Variants in NR3C2 observed in about 807,000 individuals in gnomAD.
NR3C2 encodes nuclear receptor subfamily 3 group C member 2.
Under a neutral mutation model 86.4 loss-of-function variants are expected in NR3C2, and 15 were observed. That is an observed-to-expected ratio of 0.17 (90% CI 0.12 to 0.27). NR3C2 has a LOEUF of 0.27. Among genes scored for constraint, NR3C2 ranks in the 10% least tolerant of loss-of-function variants. The pLI, the probability that NR3C2 is intolerant of heterozygous loss-of-function variation, is 1.00. For synonymous variants in NR3C2, 458 were observed against 450.5 expected (o/e 1.02, Z -0.21); for missense variants, 960 against 1,195.6 (o/e 0.80, Z 2.91).
At chr4:148,316,952 C>A (rs994471552) in intron 2 of NR3C2, among the ~76,000 whole-genome samples, 1 of 152,056 alleles carries the variant, frequency 6.6e-6, no homozygotes, top group South Asian at 2.1e-4. Context: ...CAGGCGCACA[C>A]CACCATTTCC....
intron 2 of NR3C2, among the ~76,000 whole-genome samples, chr4:148,376,003 T>C (rs930512165): frequency 1.3e-5 from 2 of 152,210 alleles, no homozygotes; most frequent in Non-Finnish European, 2.9e-5. Flanking sequence ...ACAAATATTA[T>C]GAATTCAACT....
At chr4:148,214,980 T>G (rs1033881251) in intron 3 of NR3C2, among the ~76,000 whole-genome samples, 1 of 123,000 alleles carries the variant, frequency 8.1e-6, no homozygotes, top group Admixed American at 7.4e-5. Flanking sequence ...TGGGGCTGCG[T>G]GCAGCCTTCA....
At chr4:148,403,170 C>T (rs1226733457) in intron 2 of NR3C2, among the ~76,000 whole-genome samples, 3 of 151,978 alleles carry the variant, frequency 2.0e-5, no homozygotes. Flanking sequence ...CAAAAATAGT[C>T]TACAGTATAA....
At chr4:148,327,732 A>G (rs1744039173) in intron 2 of NR3C2, among the ~76,000 whole-genome samples, 1 of 152,206 alleles carries the variant, frequency 6.6e-6, no homozygotes, top group Non-Finnish European at 1.5e-5. Flanking sequence ...AGTGGTTGAC[A>G]TATTAATACT....
At chr4:148,186,996 GTATA>G (rs1162757665) in intron 4 of NR3C2, among the ~76,000 whole-genome samples, 888 of 26,968 alleles carry the variant, frequency 0.033, 4 homozygotes, top group South Asian at 0.093. Flanking sequence ...GTGTATGTAT[GTATA>G]TATATATATA....
At chr4:148,132,678 A>G (rs1221230071) in intron 6 of NR3C2, among the ~76,000 whole-genome samples, 1 of 152,206 alleles carries the variant, frequency 6.6e-6, no homozygotes, top group Admixed American at 6.5e-5. Context: ...CTAGACTATA[A>G]TGATTTGCTT....
In NR3C2 at chr4:148,117,105, C is replaced by T. The variant is rs543300638; in HGVS notation, c.2642-2844G>A. ...GTGAAGAGTGGAGCAGGAGGACAAC[C>T]CTGCAGGTGAGGGGTTGTAAACACA... On this transcript the variant is annotated intron_variant, in intron 7 of 8. Transcript: ENST00000358102. Among the ~76,000 whole-genome samples the T allele has an allele frequency of 3.5e-4, 53 of 152,216 alleles. 1 individual carries two copies. The highest frequency in any genetic ancestry group is 1.2e-3 in the African/African-American group (49 of 41,532).
chr4:148,194,897 G>A, intron 3 of NR3C2, 35 bp from the exon 4 acceptor site: 1 of 1,381,516 alleles, frequency 7.2e-7, no homozygotes, highest in Non-Finnish European at 1.0e-6. Context: ...TGTTAAAATA[G>A]AGTACACTAG....
intron 2 of NR3C2, among the ~76,000 whole-genome samples, chr4:148,290,376 G>T (rs1457769953): frequency 6.6e-6 from 1 of 152,152 alleles, no homozygotes; most frequent in Admixed American, 6.5e-5. Flanking sequence ...AAAGAGAGAA[G>T]CATAAATTCA....
At chr4:148,124,705 A>G (rs1732666229) in intron 6 of NR3C2, among the ~76,000 whole-genome samples, 2 of 152,086 alleles carry the variant, frequency 1.3e-5, no homozygotes, top group South Asian at 4.1e-4. Context: ...TTTCCTTTTT[A>G]AACTCCATTT....
intron 6 of NR3C2, among the ~76,000 whole-genome samples, chr4:148,126,028 G>T (rs527555871): frequency 1.3e-5 from 2 of 152,162 alleles, no homozygotes; most frequent in South Asian, 4.1e-4. Flanking sequence ...AACACAACAC[G>T]CATTTCATAC....
intron 2 of NR3C2, among the ~76,000 whole-genome samples, chr4:148,409,844 T>C (rs1051191615): frequency 6.6e-6 from 1 of 152,106 alleles, no homozygotes; most frequent in African/African-American, 2.4e-5. Context: ...TAACCAGTGA[T>C]TTTTCCTTAG....
At chr4:148,112,126 A>T (rs1732072760) in intron 8 of NR3C2, among the ~76,000 whole-genome samples, 1 of 152,108 alleles carries the variant, frequency 6.6e-6, no homozygotes, top group South Asian at 2.1e-4. Context: ...GGTGGGGGAA[A>T]AAAAAAAACT....
intron 4 of NR3C2, among the ~76,000 whole-genome samples, chr4:148,164,349 A>C (rs1473414242): frequency 6.6e-6 from 1 of 152,250 alleles, no homozygotes; most frequent in Non-Finnish European, 1.5e-5. Flanking sequence ...TTTTATTAAA[A>C]ATAAAGTTCC....
At chr4:148,444,069 A>G (rs757278025), upstream of NR3C2, 303 of 984,672 alleles carry the variant, frequency 3.1e-4, no homozygotes, top group South Asian at 8.5e-4. Flanking sequence ...CGTCACGCGC[A>G]CTCTCCCGGC....
In NR3C2 at chr4:148,371,436, T is replaced by C. The variant is rs567074982; in HGVS notation, c.1757+63668A>G. Among the ~76,000 whole-genome samples the C allele has an allele frequency of 2.0e-5, 3 of 152,268 alleles. No homozygotes were observed. In the South Asian group the frequency reaches 6.2e-4, roughly 32 times the overall value. The stretch of plus-strand genomic sequence containing the variant: ...AGCTAGATAAATGCTTGAGACCCCC[T>C]TGGGGTTTGATGACTTAATGATTCT... On this transcript the variant is annotated intron_variant, in intron 2 of 8. Transcript: ENST00000358102.
At chr4:148,173,959 T>A (rs776885024) in intron 4 of NR3C2, among the ~76,000 whole-genome samples, 2 of 152,048 alleles carry the variant, frequency 1.3e-5, no homozygotes, top group African/African-American at 2.4e-5. Flanking sequence ...TTTCAAGGGG[T>A]GAGGAAGAAG....
chr4:148,439,229 T>G (rs960327660), intron 1 of NR3C2, among the ~76,000 whole-genome samples: 1 of 152,206 alleles, frequency 6.6e-6, no homozygotes, highest in Non-Finnish European at 1.5e-5. Flanking sequence ...ATATGCTGCT[T>G]CTATTTCTAC....
chr4:148,168,026 C>T (rs914292214), intron 4 of NR3C2, among the ~76,000 whole-genome samples: 2 of 152,168 alleles, frequency 1.3e-5, no homozygotes, highest in African/African-American at 2.4e-5. Flanking sequence ...CCACTTCTAA[C>T]CTTGAGAGAG....
Sources: gnomAD v4.1 joint callset for allele counts (sites outside exome capture counted in the v4.1 genomes callset) on GRCh38, gnomAD v4.1.1 for gene constraint, MANE v1.5 for transcripts, NCBI Gene and HGNC (gene_info 2026-07-23, HGNC 2026-07-21) for gene names.